The following GRID1 variants were observed in gnomAD, a reference collection of about 807,000 sequenced individuals.
The protein encoded by GRID1 is glutamate ionotropic receptor delta type subunit 1, also known as glutamate receptor ionotropic, delta-1.
GRID1 carries 28 observed loss-of-function variants against 98.0 expected under a neutral mutation model. That is an observed-to-expected ratio of 0.29 (90% CI 0.21 to 0.39). GRID1 has a LOEUF of 0.39. Ranked by LOEUF, GRID1 falls within the 10% of genes least tolerant of loss-of-function variation. The probability of loss-of-function intolerance (pLI) is 1.00; values close to 1 mark genes in which losing one functional copy is unlikely to be tolerated. For missense variants in GRID1, 1,111 were observed against 1,340.5 expected, an observed-to-expected ratio of 0.83 and a Z score of 2.67; for synonymous variants, 553 against 538.5, an observed-to-expected ratio of 1.03 and a Z score of -0.37.
At chr10:86,053,418 C>T (rs926618234) in intron 4 of GRID1, among the ~76,000 whole-genome samples, 3 of 150,976 alleles carry the variant, frequency 2.0e-5, no homozygotes, top group South Asian at 2.1e-4. Flanking sequence ...AGTGCAGTGG[C>T]GCAATCTTGG....
At position 85,962,161 on chromosome 10, in the gene GRID1, C is replaced by T. The variant is rs747414061; in HGVS notation, c.727-45922G>A. Among the ~76,000 whole-genome samples the T allele has an allele frequency of 7.9e-5, 12 of 152,290 alleles. 1 individual carries two copies. The highest frequency in any genetic ancestry group is 3.4e-3 in the Middle Eastern group (1 of 290). ...TCACTGGTCTGGGTTTCACTGTGCT[C>T]ATGGTGCAAGGGTCCCTGGTGGGCT... is the stretch of plus-strand genomic sequence containing the variant. On this transcript the variant is annotated intron_variant, in intron 4 of 15. Coordinates refer to ENST00000327946, the MANE Select transcript of GRID1 (RefSeq NM_017551.3).
intron 2 of GRID1, among the ~76,000 whole-genome samples, chr10:86,211,075 G>T (rs534809450): frequency 8.5e-5 from 13 of 152,088 alleles, no homozygotes; most frequent in Non-Finnish European, 1.0e-4. Context: ...TTTCTTCTTG[G>T]GGGGGTCAAA....
At chr10:86,073,818 C>T (rs1843839194) in intron 4 of GRID1, among the ~76,000 whole-genome samples, 1 of 152,216 alleles carries the variant, frequency 6.6e-6, no homozygotes, top group South Asian at 2.1e-4. Flanking sequence ...CCCACATGCC[C>T]TGCCTGGCTG....
At chr10:85,675,789 T>C (rs1237035590) in intron 12 of GRID1, among the ~76,000 whole-genome samples, 1 of 152,200 alleles carries the variant, frequency 6.6e-6, no homozygotes, top group African/African-American at 2.4e-5. Context: ...ATTGGAGGCA[T>C]CAGCTTCAGG....
At chr10:85,822,151 C>G (rs1842778689) in intron 8 of GRID1, among the ~76,000 whole-genome samples, 2 of 152,088 alleles carry the variant, frequency 1.3e-5, no homozygotes, top group South Asian at 4.1e-4. Flanking sequence ...TCTAAAACAC[C>G]AAAAGCAATG....
intron 2 of GRID1, among the ~76,000 whole-genome samples, chr10:86,313,550 G>T (rs1218245312): frequency 6.6e-6 from 1 of 152,234 alleles, no homozygotes; most frequent in Non-Finnish European, 1.5e-5. Context: ...GGGGCAGGAA[G>T]AGCCACCAGG....
chr10:85,653,780 G>A (rs532436548), intron 12 of GRID1, among the ~76,000 whole-genome samples: 3 of 152,280 alleles, frequency 2.0e-5, no homozygotes, highest in East Asian at 3.9e-4. Context: ...GCTGGGATGC[G>A]AGTAGGCTTG....
At chr10:85,834,835 TACTTAAATGCTAAAACA>T (rs1842898627) in intron 8 of GRID1, among the ~76,000 whole-genome samples, 1 of 152,104 alleles carries the variant, frequency 6.6e-6, no homozygotes, top group Admixed American at 6.6e-5. Context: ...ATTTAGCACT[TACTTAAATGCTAAAACA>T]ACAATACTTA....
At chr10:85,922,176 C>T (rs923185009) in intron 4 of GRID1, among the ~76,000 whole-genome samples, 2 of 152,204 alleles carry the variant, frequency 1.3e-5, no homozygotes, top group South Asian at 4.1e-4. Context: ...GGCCCCGTAA[C>T]AATGGGAACA....
intron 4 of GRID1, among the ~76,000 whole-genome samples, chr10:86,023,745 C>T (rs1025350597): frequency 1.3e-5 from 2 of 152,092 alleles, no homozygotes; most frequent in African/African-American, 4.8e-5. Context: ...ACGAAAGAAC[C>T]CAGGCCTCCT....
chr10:85,831,308 G>T (rs895187490), intron 8 of GRID1, among the ~76,000 whole-genome samples: 24 of 152,072 alleles, frequency 1.6e-4, no homozygotes, highest in African/African-American at 5.5e-4. Context: ...GGGAGGGAGA[G>T]GATTGAAAAG....
chr10:86,189,434 T>C (rs1845770452), intron 3 of GRID1, among the ~76,000 whole-genome samples: 1 of 152,024 alleles, frequency 6.6e-6, no homozygotes. Flanking sequence ...CCAGAAGTCC[T>C]GACACAGCCT....
chr10:85,844,201 A>G (rs915505170), intron 8 of GRID1, among the ~76,000 whole-genome samples: 11 of 152,122 alleles, frequency 7.2e-5, no homozygotes. Flanking sequence ...TTCAACATAT[A>G]TAATATTTTT....
intron 4 of GRID1, among the ~76,000 whole-genome samples, chr10:86,113,691 C>A (rs943242989): frequency 7.2e-5 from 11 of 152,208 alleles, no homozygotes; most frequent in Admixed American, 6.5e-4. Flanking sequence ...GCATCTGACA[C>A]ACAGGAGGTG....
At chr10:85,615,358 C>T (rs1026816043) in intron 14 of GRID1, among the ~76,000 whole-genome samples, 7 of 152,144 alleles carry the variant, frequency 4.6e-5, no homozygotes, top group Non-Finnish European at 8.8e-5. Flanking sequence ...AACTGTTGAC[C>T]GCCACTTAGA....
intron 6 of GRID1, among the ~76,000 whole-genome samples, chr10:85,859,129 T>C (rs187796216): frequency 1.3e-5 from 2 of 152,212 alleles, no homozygotes. Context: ...CCCTCTTCCA[T>C]TATATATGTT....
At chr10:86,140,356 G>A (rs1844993886) in intron 3 of GRID1, among the ~76,000 whole-genome samples, 1 of 152,206 alleles carries the variant, frequency 6.6e-6, no homozygotes, top group Admixed American at 6.5e-5. Flanking sequence ...AATAAACAGT[G>A]TTAGTTCCAC....
intron 4 of GRID1, among the ~76,000 whole-genome samples, chr10:85,945,728 A>G (rs1842046248): frequency 6.6e-6 from 1 of 152,186 alleles, no homozygotes; most frequent in Non-Finnish European, 1.5e-5. Flanking sequence ...TAGTTTTCAT[A>G]AGCACTTTCA....
chr10:86,251,800 C>T (rs1329719137), intron 2 of GRID1, among the ~76,000 whole-genome samples: 1 of 152,200 alleles, frequency 6.6e-6, no homozygotes, highest in Non-Finnish European at 1.5e-5. Context: ...ACATTCATAT[C>T]TAAAAACACT....
Sources: gnomAD v4.1 joint callset for allele counts (sites outside exome capture counted in the v4.1 genomes callset) on GRCh38, gnomAD v4.1.1 for gene constraint, MANE v1.5 for transcripts, NCBI Gene and HGNC (gene_info 2026-07-23, HGNC 2026-07-21) for gene names.